Variants in FARS2 observed in about 807,000 individuals in gnomAD.
FARS2 encodes the protein phenylalanyl-tRNA synthetase 2, mitochondrial, also known as phenylalanine--tRNA ligase, mitochondrial.
In FARS2, 40 loss-of-function variants were observed where a neutral mutation model predicts 46.4. The observed-to-expected ratio is 0.86, with a 90% confidence interval of 0.67 to 1.12. The LOEUF (loss-of-function observed/expected upper bound fraction) is 1.12, where lower values mean the gene tolerates loss of function less well. Among genes scored for constraint, FARS2 ranks in the 50% most tolerant of loss-of-function variants. FARS2 has a pLI of 0.00. For missense variants in FARS2, 513 were observed against 567.9 expected (o/e 0.90, Z 0.98); for synonymous variants, 234 against 214.9 (o/e 1.09, Z -0.78).
At chr6:5,392,377 G>T (rs768780404) in intron 2 of FARS2, among the ~76,000 whole-genome samples, 1 of 151,976 alleles carries the variant, frequency 6.6e-6, no homozygotes, top group Non-Finnish European at 1.5e-5. Flanking sequence ...ACTTTACTGT[G>T]TTTTACAGTT....
intron 1 of FARS2, among the ~76,000 whole-genome samples, chr6:5,356,282 C>G (rs1757923081): frequency 6.6e-6 from 1 of 152,152 alleles, no homozygotes; most frequent in Admixed American, 6.5e-5. Context: ...GACCTCATCT[C>G]TACTAAGGAT....
rs180798697 is a variant in FARS2 at position 5,600,393 on chromosome 6, A to G, written c.1066-12776A>G. Among the ~76,000 whole-genome samples, 15 of 152,334 alleles carry G rather than the reference A, an allele frequency of 9.8e-5. No individual in the cohort carries two copies. The East Asian group carries it at 2.9e-3, about 29-fold the overall frequency. Reference sequence around the variant, plus strand: ...AACTGTGCCTAACTCTGGCCAACACAGTATGCTCCTGGTACTCAGTGAAAG... The same window carrying G: ...AACTGTGCCTAACTCTGGCCAACACGGTATGCTCCTGGTACTCAGTGAAAG... On this transcript the variant is annotated intron_variant, in intron 5 of 6. Coordinates refer to ENST00000274680, the MANE Select transcript of FARS2 (RefSeq NM_006567.5).
intron 2 of FARS2, among the ~76,000 whole-genome samples, chr6:5,376,449 C>T (rs1759387633): frequency 6.6e-6 from 1 of 152,130 alleles, no homozygotes; most frequent in African/African-American, 2.4e-5. Context: ...ATAGTTACTG[C>T]CACTTTGGAG....
intron 2 of FARS2, among the ~76,000 whole-genome samples, chr6:5,381,200 T>C (rs1188473682): frequency 6.6e-6 from 1 of 151,848 alleles, no homozygotes; most frequent in Non-Finnish European, 1.5e-5. Context: ...CTAAAAATCC[T>C]GTTAGCCAGG....
chr6:5,723,811 C>T (rs958485952), intron 6 of FARS2, among the ~76,000 whole-genome samples: 4 of 152,194 alleles, frequency 2.6e-5, no homozygotes, highest in Non-Finnish European at 4.4e-5. Context: ...TTGGGAGGCT[C>T]CTTGCTTTCT....
intron 4 of FARS2, among the ~76,000 whole-genome samples, chr6:5,445,437 C>G (rs533400402): frequency 6.6e-6 from 1 of 152,066 alleles, no homozygotes; most frequent in South Asian, 2.1e-4. Flanking sequence ...AGGTTCATTC[C>G]TGTATTTTAG....
At chr6:5,418,017 C>T (rs766957773) in intron 3 of FARS2, among the ~76,000 whole-genome samples, 7 of 152,088 alleles carry the variant, frequency 4.6e-5, no homozygotes, top group Non-Finnish European at 1.0e-4. Context: ...TTAACTCCTT[C>T]CTGTGTATTT....
chr6:5,628,564 G>A (rs143603550), intron 6 of FARS2, among the ~76,000 whole-genome samples: 119 of 152,366 alleles, frequency 7.8e-4, no homozygotes, highest in Non-Finnish European at 1.1e-3. Context: ...GGCAGGCGAG[G>A]CCTCTTCTCT....
At chr6:5,554,600 G>T (rs1172628535) in intron 5 of FARS2, among the ~76,000 whole-genome samples, 1 of 152,204 alleles carries the variant, frequency 6.6e-6, no homozygotes, top group Non-Finnish European at 1.5e-5. Flanking sequence ...ACATTAATTT[G>T]TTGAGGACCT....
chr6:5,750,144 A>G (rs893941427), intron 6 of FARS2, among the ~76,000 whole-genome samples: 4 of 152,122 alleles, frequency 2.6e-5, no homozygotes, highest in Non-Finnish European at 5.9e-5. Flanking sequence ...TCAGACCATC[A>G]TGATACGACA....
chr6:5,593,749 G>A (rs1427223394), intron 5 of FARS2, among the ~76,000 whole-genome samples: 1 of 152,194 alleles, frequency 6.6e-6, no homozygotes, highest in Non-Finnish European at 1.5e-5. Context: ...TTTTATTCAG[G>A]CTCAGGCGAA....
intron 1 of FARS2, among the ~76,000 whole-genome samples, chr6:5,334,011 TA>T (rs1770982466): frequency 6.6e-6 from 1 of 152,236 alleles, no homozygotes; most frequent in African/African-American, 2.4e-5. Flanking sequence ...TTGTTAATCA[TA>T]TGCTCTTTTG....
At chr6:5,676,578 T>G (rs1169502268) in intron 6 of FARS2, among the ~76,000 whole-genome samples, 1 of 152,222 alleles carries the variant, frequency 6.6e-6, no homozygotes, top group Non-Finnish European at 1.5e-5. Context: ...GTATGCCACA[T>G]GCCTTATAAT....
rs1779015017 is a variant in FARS2, at chr6:5,681,161, T to C, written c.1217+67841T>C. 2.6e-5 allele frequency among the ~76,000 whole-genome samples: 4 copies of C among 152,386 alleles called. No homozygotes were observed. The South Asian group carries it at 6.2e-4, about 24-fold the overall frequency. On this transcript the variant is annotated intron_variant, in intron 6 of 6. Transcript: ENST00000274680. ...GATTTATCTGAGAAAGGTTCAAAGA[T>C]GTCTGCATTCTTCTTTATTAGACTG... is the stretch of plus-strand genomic sequence containing the variant.
chr6:5,289,759 G>A (rs902543913), intron 1 of FARS2, among the ~76,000 whole-genome samples: 1 of 152,232 alleles, frequency 6.6e-6, no homozygotes, highest in Non-Finnish European at 1.5e-5. Context: ...GGACCAATCA[G>A]AGATACTTTC....
chr6:5,570,302 G>T (rs1582472665), intron 5 of FARS2, among the ~76,000 whole-genome samples: 2 of 152,336 alleles, frequency 1.3e-5, no homozygotes, highest in Middle Eastern at 3.4e-3. Context: ...AATGAGAAGA[G>T]ACGATGATAT....
chr6:5,694,621 G>A (rs561016056), intron 6 of FARS2, among the ~76,000 whole-genome samples: 1 of 152,088 alleles, frequency 6.6e-6, no homozygotes, highest in Non-Finnish European at 1.5e-5. Context: ...CTTCAACCAG[G>A]TGTATATATT....
chr6:5,425,735 A>G (rs780746607), intron 3 of FARS2, among the ~76,000 whole-genome samples: 19 of 152,198 alleles, frequency 1.2e-4, no homozygotes, highest in Non-Finnish European at 2.2e-4. Context: ...TTATTTCTGA[A>G]GTCCCACTTG....
chr6:5,431,318 T>A, intron 4 of FARS2, 146 bp downstream of exon 4: 1 of 824,888 alleles, frequency 1.2e-6, no homozygotes, highest in Non-Finnish European at 1.9e-6. Flanking sequence ...CCTCTAGATT[T>A]GTCTTTGATA....
Sources: gnomAD v4.1 joint callset for allele counts (sites outside exome capture counted in the v4.1 genomes callset) on GRCh38, gnomAD v4.1.1 for gene constraint, MANE v1.5 for transcripts, NCBI Gene and HGNC (gene_info 2026-07-23, HGNC 2026-07-21) for gene names.